DYNC2H1: variants seen among roughly 807,000 people sequenced by gnomAD.
DYNC2H1 encodes dynein cytoplasmic 2 heavy chain 1.
DYNC2H1 carries 410 observed loss-of-function variants against 570.0 expected under a neutral mutation model. The ratio of observed to expected loss-of-function variants is 0.72; its 90% CI spans 0.66 to 0.78. The LOEUF (loss-of-function observed/expected upper bound fraction) is 0.78, where lower values mean the gene tolerates loss of function less well. Ranked by LOEUF, DYNC2H1 falls within the 30% of genes least tolerant of loss-of-function variation. The pLI, the probability that DYNC2H1 is intolerant of heterozygous loss-of-function variation, is 0.00. For synonymous variants in DYNC2H1, 1,688 were observed against 1,677.6 expected (o/e 1.01, Z -0.15); for missense variants, 4,865 against 5,046.4 (o/e 0.96, Z 1.09).
chr11:103,112,942 G>A (rs1858183545), intron 1 of DYNC2H1, among the ~76,000 whole-genome samples: 1 of 152,112 alleles, frequency 6.6e-6, no homozygotes, highest in Admixed American at 6.6e-5. Flanking sequence ...AAATAATCTA[G>A]CTATATGACA....
In DYNC2H1 at chr11:103,446,025, A is replaced by G. The variant is rs1389096844; in HGVS notation, c.12457-9161A>G. On this transcript the variant is annotated intron_variant, in intron 85 of 88. Transcript: ENST00000375735. The surrounding 1 kb of genome is among the most constrained non-coding windows in gnomAD (Gnocchi z 4.5). ...GTTGAAGGATACTGACAATATGGTAATAGAGCAGAGTTTTGTTGTTGTTGT... is the reference window on the plus strand; with the variant it reads ...GTTGAAGGATACTGACAATATGGTAGTAGAGCAGAGTTTTGTTGTTGTTGT... Among the ~76,000 whole-genome samples the G allele has an allele frequency of 6.9e-6, 1 of 144,386 alleles. No homozygotes were observed. Among genetic ancestry groups the G allele is most frequent in the Non-Finnish European group, 1.5e-5 (1 of 66,530 alleles). 94.7% of individuals were successfully genotyped at this position (144,386 alleles called of 152,430 possible). A position where few individuals can be genotyped will look rare whatever the true frequency, so the allele number is the denominator to read the frequency against.
intron 60 of DYNC2H1, among the ~76,000 whole-genome samples, chr11:103,231,851 T>C (rs1864022677): frequency 6.6e-6 from 1 of 151,910 alleles, no homozygotes; most frequent in South Asian, 2.1e-4. Context: ...AGGAAACAAT[T>C]TTCTCTCTCT....
At chr11:103,360,696 TA>T (rs1338538875) in intron 83 of DYNC2H1, among the ~76,000 whole-genome samples, 1 of 152,224 alleles carries the variant, frequency 6.6e-6, no homozygotes, top group East Asian at 1.9e-4. Context: ...CAGTGATTTT[TA>T]TGCTAGGGAC....
rs1862635424 is a variant in DYNC2H1 at position 103,199,565 on chromosome 11, A to T, written c.8088+89A>T. 1 of 1,278,282 alleles carries T rather than the reference A, an allele frequency of 7.8e-7. No homozygotes were observed. The highest frequency in any genetic ancestry group is 1.5e-5 in the African/African-American group (1 of 66,530). The allele number at this position is 1,278,282 out of a possible 1,614,324, so 79.2% of individuals were successfully genotyped here. A position where few individuals can be genotyped will look rare whatever the true frequency, so the allele number is the denominator to read the frequency against. The stretch of plus-strand genomic sequence containing the variant: ...TCTTTAAAGACCTAAAGGTTTAAAG[A>T]ACTAAAGTTTTAAAGAACATCTTTA... On this transcript the variant is annotated intron_variant, in intron 49 of 88. Transcript: ENST00000375735. This position sits in a 1 kb window ranked among gnomAD's most constrained non-coding sequence, Gnocchi z 4.6.
In DYNC2H1 at chr11:103,170,940, G is replaced by A; in HGVS notation, c.5206G>A (p.Ala1736Thr). 1.2e-6 allele frequency: 2 copies of A among 1,605,128 alleles called. No individual in the cohort carries two copies. Among genetic ancestry groups the A allele is most frequent in the Non-Finnish European group, 1.7e-6 (2 of 1,174,026 alleles). Residue 1736 changes from alanine (A) to threonine (T), a missense_variant, in exon 34 of 89, where the codon GCC becomes ACC. By Grantham distance (58) the Ala-to-Thr change is moderately conservative. Transcript: ENST00000375735. The surrounding 1 kb of genome is among the most constrained non-coding windows in gnomAD (Gnocchi z 4.8). ...ATTTGTTGGTTTGGTGAAGTGTGGG[G>A]CCTGGGGTTGTTTTGATGAATTTAA... ...RIFVGLVKCGAWGCFDEFNRL... is the reference protein window; with the variant it reads ...RIFVGLVKCGTWGCFDEFNRL...
At chr11:103,463,649 G>T (rs1399794719) in intron 87 of DYNC2H1, among the ~76,000 whole-genome samples, 5 of 152,154 alleles carry the variant, frequency 3.3e-5, no homozygotes, top group African/African-American at 1.2e-4. Flanking sequence ...TACTCAAGAG[G>T]CTGAGGTGGG....
chr11:103,177,735 A>G lies in DYNC2H1; in HGVS notation c.6054A>G (p.Leu2018=), dbSNP rs1476685382. 1.2e-6 allele frequency: 2 copies of G among 1,613,538 alleles called. No individual in the cohort carries two copies. The highest frequency in any genetic ancestry group is 1.7e-6 in the Non-Finnish European group (2 of 1,179,694). ...MNPKAMPRYQ[L]LGHIDMDTRE... ...CCAAAGCTATGCCTCGATATCAATTATTAGGCCATATTGACATGGACACAA... is the reference window on the plus strand; with the variant it reads ...CCAAAGCTATGCCTCGATATCAATTGTTAGGCCATATTGACATGGACACAA... The change falls in exon 38 of 89, where the codon TTA becomes TTG. Residue 2018 remains leucine, a synonymous_variant. Transcript: ENST00000375735. This position sits in a 1 kb window ranked among gnomAD's most constrained non-coding sequence, Gnocchi z 4.4.
At chr11:103,316,488 C>CAT in intron 79 of DYNC2H1, 57 bp from the exon 80 acceptor site, 1 of 1,167,490 alleles carries the variant, frequency 8.6e-7, no homozygotes, top group South Asian at 1.5e-5. Context: ...GTGATACATA[C>CAT]ATATATATCT....
Position 103,158,628 on chromosome 11 carries a change from C to T in DYNC2H1, c.4128-49C>T, listed in dbSNP as rs564155841. 1.3e-4 allele frequency: 184 copies of T among 1,451,826 alleles called. No homozygotes were observed. In the African/African-American group the frequency reaches 2.4e-3, roughly 19 times the overall value. The allele number at this position is 1,451,826 out of a possible 1,614,324, so 89.9% of individuals were successfully genotyped here. On this transcript the variant is annotated intron_variant, in intron 26 of 88. Coordinates refer to ENST00000375735, the MANE Select transcript of DYNC2H1 (RefSeq NM_001377.3). The stretch of plus-strand genomic sequence containing the variant: ...AAAGTCTTAATCTGTTTTTCTTACC[C>T]CCCCAAATTGTTAAAGTAGATGTGA...
At chr11:103,335,937 A>G (rs1939100616) in intron 82 of DYNC2H1, among the ~76,000 whole-genome samples, 1 of 152,202 alleles carries the variant, frequency 6.6e-6, no homozygotes, top group East Asian at 1.9e-4. Flanking sequence ...TCACATCTTT[A>G]GAAAGTTACT....
chr11:103,257,691 G>A lies in DYNC2H1; in HGVS notation c.10545G>A (p.Met3515Ile), dbSNP rs1865116604. The A allele has an allele frequency of 1.2e-6, 2 of 1,611,946 alleles. No individual in the cohort carries two copies. The highest frequency in any genetic ancestry group is 2.7e-5 in the African/African-American group (2 of 74,974). Residue 3515 changes from methionine to isoleucine, a missense_variant, in exon 69 of 89, where the codon ATG (methionine) becomes ATA (isoleucine). Physicochemically the swap from Met to Ile is conservative, Grantham distance 10 (BLOSUM62 1). Coordinates refer to ENST00000375735, the MANE Select transcript of DYNC2H1 (RefSeq NM_001377.3). ...IISDLSKINN[M>I]YRFSLAAFLR... ...CTGATTTGTCCAAAATTAATAACAT[G>A]TACCGTTTTAGTTTGGCTGCTTTTC...
chr11:103,112,203 T>C (rs1858148831), intron 1 of DYNC2H1, among the ~76,000 whole-genome samples: 1 of 152,032 alleles, frequency 6.6e-6, no homozygotes, highest in African/African-American at 2.4e-5. Context: ...CTGAGCTGGG[T>C]TTTAACTTAG....
rs34032894 is a variant in DYNC2H1 at position 103,451,324 on chromosome 11, C to CTTTTTTTTTTT, written c.12457-3845_12457-3835dup. The stretch of plus-strand genomic sequence containing the variant: ...AGAAATGAATCACTGAGTAAAAGGG[C>CTTTTTTTTTTT]TTTTTTTTTTTTTTTTTTTTTTTTT... On this transcript the variant is annotated intron_variant, in intron 85 of 88. Coordinates refer to ENST00000375735, the MANE Select transcript of DYNC2H1 (RefSeq NM_001377.3). 7.9e-4 allele frequency among the ~76,000 whole-genome samples: 56 copies of CTTTTTTTTTTT among 71,034 alleles called. 5 individuals are homozygous for CTTTTTTTTTTT. The highest frequency in any genetic ancestry group is 2.1e-3 in the African/African-American group (31 of 14,836). 46.6% of individuals were successfully genotyped at this position (71,034 alleles called of 152,430 possible).
chr11:103,370,594 C>T (rs894506326), intron 83 of DYNC2H1, among the ~76,000 whole-genome samples: 71 of 152,276 alleles, frequency 4.7e-4, no homozygotes, highest in Non-Finnish European at 3.8e-4. Context: ...TTGTGTCACA[C>T]CACCCCCAGC....
rs531017588 is a variant in DYNC2H1, at chr11:103,185,420, G to T, written c.6633+369G>T. The stretch of plus-strand genomic sequence containing the variant: ...TTTAACTAGAGCAGTTTTAGGAATT[G>T]GGAATATTAGGATGAATTAATTATT... On this transcript the variant is annotated intron_variant, in intron 41 of 88. Coordinates refer to ENST00000375735, the MANE Select transcript of DYNC2H1 (RefSeq NM_001377.3). The surrounding 1 kb of genome is among the most constrained non-coding windows in gnomAD (Gnocchi z 4.5). Among the ~76,000 whole-genome samples, 2 of 151,688 alleles carry T rather than the reference G, an allele frequency of 1.3e-5. No individual in the cohort carries two copies. Among genetic ancestry groups the T allele is most frequent in the East Asian group, 3.9e-4 (2 of 5,164 alleles).
chr11:103,358,049 T>A (rs903323198), intron 82 of DYNC2H1, among the ~76,000 whole-genome samples, 194 bp from the exon 83 acceptor site: 4 of 152,246 alleles, frequency 2.6e-5, no homozygotes, highest in Non-Finnish European at 4.4e-5. Flanking sequence ...TGAGTTCTTT[T>A]GTTTTTTAAA....
Position 103,187,396 on chromosome 11 carries a change from A to T in DYNC2H1, c.6950A>T (p.His2317Leu). The change falls in exon 43 of 89, where the codon CAC (histidine) becomes CTC (leucine). Residue 2317 changes from histidine (H) to leucine (L), a missense_variant. Around this residue, in one of 5 missense-constraint regions of DYNC2H1, gnomAD observed 2,401 missense variants for 2,454.6 expected, o/e 0.98. Transcript: ENST00000375735. The stretch of plus-strand genomic sequence containing the variant: ...CGGTCCACTCAAATTGCTACAGTTC[A>T]CTGTAGTGCACAAACCACTTCTCGA... ...QLRSTQIATVHCSAQTTSRHL... is the reference protein window; with the variant it reads ...QLRSTQIATVLCSAQTTSRHL... 1 of 1,613,208 alleles carries T rather than the reference A, an allele frequency of 6.2e-7. No homozygotes were observed. The highest frequency in any genetic ancestry group is 8.5e-7 in the Non-Finnish European group (1 of 1,179,416).
At chr11:103,149,886 A>G (rs944485541) in intron 20 of DYNC2H1, among the ~76,000 whole-genome samples, 2 of 152,102 alleles carry the variant, frequency 1.3e-5, no homozygotes, top group Non-Finnish European at 2.9e-5. Context: ...GTGGGTGATC[A>G]TGGGATATCT....
At chr11:103,405,725 G>C (rs142456698) in intron 84 of DYNC2H1, 1 of 151,880 alleles carries the variant, frequency 6.6e-6, no homozygotes, top group Non-Finnish European at 1.5e-5. Flanking sequence ...AATTCTGCTC[G>C]AATTAGAAGG....
Sources: allele counts gnomAD v4.1 joint callset (sites outside exome capture counted in the v4.1 genomes callset), GRCh38; gene constraint gnomAD v4.1.1; regional missense constraint gnomAD v4.1.1; non-coding constraint Gnocchi (gnomAD v3.1); transcripts MANE v1.5; gene names NCBI Gene and HGNC (gene_info 2026-07-23, HGNC 2026-07-21).